Variants in PATJ observed in about 807,000 individuals in gnomAD.
PATJ encodes the protein PATJ crumbs cell polarity complex component.
In PATJ, 190 loss-of-function variants were observed where a neutral mutation model predicts 224.9. The observed-to-expected ratio is 0.84, with a 90% CI of 0.75 to 0.95. PATJ has a LOEUF of 0.95. Ranked by LOEUF, PATJ falls within the 40% of genes least tolerant of loss-of-function variation. The pLI is 0.00. For synonymous variants in PATJ, 769 were observed against 820.3 expected, an observed-to-expected ratio of 0.94 and a Z score of 1.07; for missense variants, 2,121 against 2,270.3, an observed-to-expected ratio of 0.93 and a Z score of 1.34.
chr1:61,963,545 G>A (rs1557952718), intron 27 of PATJ, among the ~76,000 whole-genome samples: 2 of 152,122 alleles, frequency 1.3e-5, no homozygotes, highest in South Asian at 4.2e-4. Flanking sequence ...GCAGTGAGCT[G>A]AGATTGCGCC....
chr1:61,778,697 A>AATAT (rs367636267), intron 7 of PATJ, among the ~76,000 whole-genome samples: 24 of 150,306 alleles, frequency 1.6e-4, no homozygotes, highest in East Asian at 3.9e-4. Context: ...CACTCTTACT[A>AATAT]ATATATATAT....
chr1:61,939,891 C>G (rs1386393366), intron 27 of PATJ, among the ~76,000 whole-genome samples: 1 of 151,722 alleles, frequency 6.6e-6, no homozygotes, highest in Non-Finnish European at 1.5e-5. Flanking sequence ...CCAAGCTGGT[C>G]TCAAACTCCT....
chr1:61,793,919 T>G (rs1433817963), intron 9 of PATJ, among the ~76,000 whole-genome samples: 2 of 75,734 alleles, frequency 2.6e-5, no homozygotes, highest in Non-Finnish European at 5.1e-5. Flanking sequence ...TTTTTTTTTT[T>G]GAGACAGAAT....
intron 31 of PATJ, among the ~76,000 whole-genome samples, chr1:62,061,013 C>A (rs1311742038): frequency 6.6e-6 from 1 of 150,960 alleles, no homozygotes; most frequent in Non-Finnish European, 1.5e-5. Context: ...ATTTTAGATA[C>A]AGGGGGTACA....
chr1:61,855,684 G>A (rs1663543621), intron 17 of PATJ, among the ~76,000 whole-genome samples: 1 of 152,106 alleles, frequency 6.6e-6, no homozygotes, highest in African/African-American at 2.4e-5. Flanking sequence ...AAAGTGCTGG[G>A]ATTACAGGCA....
chr1:62,050,897 A>G (rs1472877796), intron 30 of PATJ, 69 bp from the exon 31 acceptor site: 12 of 1,111,054 alleles, frequency 1.1e-5, no homozygotes, highest in Non-Finnish European at 1.6e-5. Context: ...GACATTGAGT[A>G]TCTGTACAAT....
At chr1:61,912,671 AG>A (rs1243482720) in intron 25 of PATJ, among the ~76,000 whole-genome samples, 1 of 62,630 alleles carries the variant, frequency 1.6e-5, no homozygotes, top group Non-Finnish European at 3.0e-5. Flanking sequence ...GAAGGGAGGG[AG>A]GGAGGGGAGG....
chr1:61,857,334 A>G (rs1436425547), intron 18 of PATJ, among the ~76,000 whole-genome samples: 1 of 152,242 alleles, frequency 6.6e-6, no homozygotes, highest in African/African-American at 2.4e-5. Flanking sequence ...AACTTTAAGA[A>G]TAGTCCTTTT....
intron 28 of PATJ, among the ~76,000 whole-genome samples, chr1:61,992,109 G>A (rs1490785025): frequency 6.7e-6 from 1 of 148,430 alleles, no homozygotes; most frequent in Non-Finnish European, 1.5e-5. Context: ...TATGTTCCCT[G>A]TGGGATTCTT....
At chr1:61,790,372 A>G (rs929632151) in intron 8 of PATJ, among the ~76,000 whole-genome samples, 1 of 152,032 alleles carries the variant, frequency 6.6e-6, no homozygotes, top group African/African-American at 2.4e-5. Context: ...TTAGCTTTCT[A>G]TTGTTGTATA....
chr1:61,787,795 T>C lies in PATJ; in HGVS notation c.891T>C (p.Gly297=), dbSNP rs1359203685. ...LQTGDHILKI[G]GTNVQGMTSE... is the part of the protein sequence containing the mutation. ...CAGGGGACCACATCTTGAAGATTGG[T>C]GGCACAAACGTGCAGGGAATGACCA... Residue 297 remains glycine (G), a synonymous_variant, in exon 8 of 44, where the codon GGT becomes GGC. Transcript: ENST00000642238. 1.9e-6 allele frequency: 3 copies of C among 1,614,108 alleles called. No homozygotes were observed. Among genetic ancestry groups the C allele is most frequent in the East Asian group, 2.2e-5 (1 of 44,882 alleles).
chr1:61,845,174 A>G (rs1661733988), intron 17 of PATJ, among the ~76,000 whole-genome samples: 2 of 152,162 alleles, frequency 1.3e-5, no homozygotes, highest in African/African-American at 4.8e-5. Context: ...AAAACACTTT[A>G]GGTATATTGA....
intron 30 of PATJ, among the ~76,000 whole-genome samples, chr1:62,040,794 C>T: frequency 6.9e-6 from 1 of 145,674 alleles, no homozygotes; most frequent in East Asian, 1.9e-4. Context: ...GTGAGGTGAC[C>T]TGATACATAG....
intron 33 of PATJ, among the ~76,000 whole-genome samples, chr1:62,094,065 T>G (rs1277528124): frequency 6.6e-6 from 1 of 152,184 alleles, no homozygotes; most frequent in Non-Finnish European, 1.5e-5. Flanking sequence ...TCCCTGAGTT[T>G]GGGTTTTAGG....
intron 14 of PATJ, among the ~76,000 whole-genome samples, chr1:61,814,343 T>C (rs1321833069): frequency 6.6e-6 from 1 of 152,004 alleles, no homozygotes; most frequent in Non-Finnish European, 1.5e-5. Context: ...GGATTTCACC[T>C]TGTTGGCCAG....
chr1:61,814,230 G>A (rs567866169), intron 14 of PATJ, among the ~76,000 whole-genome samples: 4 of 136,170 alleles, frequency 2.9e-5, no homozygotes, highest in Admixed American at 1.7e-4. Context: ...TGCAACCTCC[G>A]CCTGCTGGGT....
intron 7 of PATJ, among the ~76,000 whole-genome samples, chr1:61,776,033 T>C (rs1159336883): frequency 6.6e-6 from 1 of 152,222 alleles, no homozygotes; most frequent in Non-Finnish European, 1.5e-5. Context: ...CAGTTACATA[T>C]AAATTTATCC....
chr1:61,991,330 C>T (rs893168577), intron 28 of PATJ, among the ~76,000 whole-genome samples: 2 of 152,154 alleles, frequency 1.3e-5, no homozygotes, highest in Non-Finnish European at 2.9e-5. Context: ...TGACTTGTAG[C>T]TCTTTGTAAA....
chr1:62,116,045 T>G (rs751871747), intron 35 of PATJ, among the ~76,000 whole-genome samples: 60 of 152,194 alleles, frequency 3.9e-4, no homozygotes, highest in Non-Finnish European at 8.1e-4. Context: ...GTATACCTGG[T>G]GCGGTTTTAT....
Sources: gnomAD v4.1 joint callset for allele counts (sites outside exome capture counted in the v4.1 genomes callset) on GRCh38, gnomAD v4.1.1 for gene constraint, MANE v1.5 for transcripts, NCBI Gene and HGNC (gene_info 2026-07-23, HGNC 2026-07-21) for gene names.